Variants in CSMD1 observed in about 807,000 individuals in gnomAD.
CSMD1 encodes CUB and sushi domain-containing protein 1.
CSMD1 carries 213 observed loss-of-function variants against 417.5 expected under a neutral mutation model. The ratio of observed to expected loss-of-function variants is 0.51; its 90% CI spans 0.46 to 0.57. The LOEUF is 0.57. Among genes scored for constraint, CSMD1 ranks in the 20% least tolerant of loss-of-function variants. CSMD1 has a pLI of 0.00. For synonymous variants in CSMD1, 2,862 were observed against 1,736.8 expected, an observed-to-expected ratio of 1.65 and a Z score of -16.11; for missense variants, 6,923 against 4,529.7, an observed-to-expected ratio of 1.53 and a Z score of -15.17.
At chr8:4,775,543 G>A (rs1161354671) in intron 1 of CSMD1, among the ~76,000 whole-genome samples, 2 of 151,828 alleles carry the variant, frequency 1.3e-5, no homozygotes, top group African/African-American at 4.8e-5. Context: ...AAGGACCAAG[G>A]GTAACAAATA....
intron 15 of CSMD1, among the ~76,000 whole-genome samples, chr8:3,405,338 G>C (rs577888920): frequency 6.6e-6 from 1 of 152,262 alleles, no homozygotes; most frequent in African/African-American, 2.4e-5. Context: ...GTAATTATTA[G>C]AGGCAACATC....
At chr8:2,976,727 T>G (rs1001168340) in intron 55 of CSMD1, among the ~76,000 whole-genome samples, 3 of 152,214 alleles carry the variant, frequency 2.0e-5, no homozygotes, top group African/African-American at 7.2e-5. Context: ...TTCTGCCTAA[T>G]TTCAAAAAGA....
At chr8:3,502,385 G>C (rs1232401350) in intron 10 of CSMD1, among the ~76,000 whole-genome samples, 3 of 135,690 alleles carry the variant, frequency 2.2e-5, no homozygotes, top group South Asian at 2.4e-4. Flanking sequence ...AAAAAAAGAA[G>C]TATTTCCACA....
intron 3 of CSMD1, among the ~76,000 whole-genome samples, chr8:4,232,390 G>T (rs1019538895): frequency 2.0e-4 from 30 of 152,066 alleles, no homozygotes; most frequent in African/African-American, 7.0e-4. Flanking sequence ...GTAGAGACGG[G>T]GTTTCCCCAC....
At chr8:4,956,512 C>A (rs1053569503) in intron 1 of CSMD1, among the ~76,000 whole-genome samples, 4 of 148,364 alleles carry the variant, frequency 2.7e-5, no homozygotes, top group African/African-American at 9.8e-5. Context: ...TTATCATATA[C>A]ACACGTATTT....
intron 7 of CSMD1, among the ~76,000 whole-genome samples, chr8:3,671,747 C>T (rs947622910): frequency 6.6e-6 from 1 of 151,690 alleles, no homozygotes; most frequent in Non-Finnish European, 1.5e-5. Flanking sequence ...GCCTGGGACA[C>T]AAAACAGGCC....
At chr8:3,770,587 C>T (rs974056449) in intron 5 of CSMD1, among the ~76,000 whole-genome samples, 8 of 152,012 alleles carry the variant, frequency 5.3e-5, no homozygotes, top group African/African-American at 9.7e-5. Flanking sequence ...AGAGGCCTGT[C>T]GCACATGCAG....
At chr8:3,576,451 C>G (rs940859386) in intron 9 of CSMD1, among the ~76,000 whole-genome samples, 1 of 152,042 alleles carries the variant, frequency 6.6e-6, no homozygotes, top group African/African-American at 2.4e-5. Context: ...CACTGTGTAC[C>G]ACGCTGCAGT....
In CSMD1 at chr8:4,710,984, G is replaced by C. The variant is rs143781806; in HGVS notation, c.86-73426C>G. 6.3e-3 allele frequency among the ~76,000 whole-genome samples: 954 copies of C among 152,178 alleles called. 5 individuals are homozygous for C. Among genetic ancestry groups the C allele is most frequent in the Middle Eastern group, 0.037 (11 of 294 alleles). ...TGATGGTGCTCTTGGATGTGTACTTGAGTGACATGTGAGGTGACGGACAGA... is the reference window on the plus strand; with the variant it reads ...TGATGGTGCTCTTGGATGTGTACTTCAGTGACATGTGAGGTGACGGACAGA... On this transcript the variant is annotated intron_variant, in intron 1 of 69. Coordinates refer to ENST00000635120, the MANE Select transcript of CSMD1 (RefSeq NM_033225.6).
At chr8:4,351,246 C>T (rs966586662) in intron 3 of CSMD1, among the ~76,000 whole-genome samples, 8 of 152,090 alleles carry the variant, frequency 5.3e-5, no homozygotes, top group African/African-American at 1.9e-4. Context: ...CCATCTACAT[C>T]CTGTCTTTCT....
chr8:4,252,760 T>G (rs577020940), intron 3 of CSMD1, among the ~76,000 whole-genome samples: 21 of 152,330 alleles, frequency 1.4e-4, no homozygotes, highest in African/African-American at 5.1e-4. Context: ...GGGACTGCAG[T>G]GGCAGACATA....
intron 3 of CSMD1, among the ~76,000 whole-genome samples, chr8:4,200,967 T>C (rs1173088987): frequency 6.6e-6 from 1 of 152,190 alleles, no homozygotes; most frequent in Non-Finnish European, 1.5e-5. Flanking sequence ...CAGAAAGTTG[T>C]CTTATTAGTT....
At chr8:3,568,656 C>T (rs898431175) in intron 10 of CSMD1, among the ~76,000 whole-genome samples, 6 of 151,988 alleles carry the variant, frequency 3.9e-5, no homozygotes, top group African/African-American at 1.5e-4. Flanking sequence ...TAACTTAGAA[C>T]ACACACCTCT....
chr8:4,724,577 G>A (rs1809292129), intron 1 of CSMD1, among the ~76,000 whole-genome samples: 1 of 150,626 alleles, frequency 6.6e-6, no homozygotes, highest in Admixed American at 6.6e-5. Context: ...TACTCCCAGT[G>A]AAATTCTGTT....
intron 3 of CSMD1, among the ~76,000 whole-genome samples, chr8:4,356,394 T>C (rs1301264325): frequency 6.6e-6 from 1 of 152,154 alleles, no homozygotes; most frequent in Non-Finnish European, 1.5e-5. Flanking sequence ...TTGGGTTGGT[T>C]CTACGATTTT....
intron 2 of CSMD1, among the ~76,000 whole-genome samples, chr8:4,518,711 C>G (rs1803262011): frequency 6.6e-6 from 1 of 151,756 alleles, no homozygotes; most frequent in Admixed American, 6.6e-5. Flanking sequence ...CACATGTATA[C>G]ATATGTAACT....
intron 3 of CSMD1, among the ~76,000 whole-genome samples, chr8:4,401,355 T>A (rs530629806): frequency 6.6e-6 from 1 of 152,316 alleles, no homozygotes; most frequent in African/African-American, 2.4e-5. Context: ...CACGTATTGT[T>A]ATTACATTTT....
intron 1 of CSMD1, among the ~76,000 whole-genome samples, chr8:4,832,265 G>A (rs1800199792): frequency 6.6e-6 from 1 of 152,154 alleles, no homozygotes; most frequent in African/African-American, 2.4e-5. Flanking sequence ...GGAAGTTTGT[G>A]ATTCTAGTTC....
chr8:3,701,631 T>C (rs967786843), intron 7 of CSMD1, among the ~76,000 whole-genome samples: 2 of 152,082 alleles, frequency 1.3e-5, no homozygotes, highest in African/African-American at 4.8e-5. Flanking sequence ...ATTATAATTA[T>C]AAGTAGATAA....
Sources: allele counts gnomAD v4.1 joint callset (sites outside exome capture counted in the v4.1 genomes callset), GRCh38; gene constraint gnomAD v4.1.1; transcripts MANE v1.5; gene names NCBI Gene and HGNC (gene_info 2026-07-23, HGNC 2026-07-21).